MMAB: variants seen among roughly 807,000 people sequenced by gnomAD.
The protein encoded by MMAB is corrinoid adenosyltransferase MMAB.
Under a neutral mutation model 30.6 loss-of-function variants are expected in MMAB, and 17 were observed. That is an observed-to-expected ratio of 0.56 (90% CI 0.38 to 0.83). The LOEUF (loss-of-function observed/expected upper bound fraction) is 0.83. MMAB is among the 40% of genes least tolerant of loss of function. MMAB has a pLI of 0.00. For synonymous variants in MMAB, 134 were observed against 138.6 expected, an observed-to-expected ratio of 0.97 and a Z score of 0.23; for missense variants, 311 against 331.6, an observed-to-expected ratio of 0.94 and a Z score of 0.48.
At position 109,568,589 on chromosome 12, in the gene MMAB, A is replaced by G. The variant is rs1884522443; in HGVS notation, c.290+181T>C. The G allele has an allele frequency of 5.5e-5, 37 of 676,418 alleles. No homozygotes were observed. The South Asian group carries it at 5.7e-4, about 10-fold the overall frequency. 41.9% of individuals were successfully genotyped at this position (676,418 alleles called of 1,614,324 possible). Reference sequence around the variant, plus strand: ...AGGCACAGGCAGGGCCAGAAGGGAAAGGAGTCTGCAGCCCCACAGCCTTGT... The same window carrying G: ...AGGCACAGGCAGGGCCAGAAGGGAAGGGAGTCTGCAGCCCCACAGCCTTGT... On this transcript the variant is annotated intron_variant, in intron 3 of 8. Transcript: ENST00000545712.
At chr12:109,570,486 C>T (rs150484489) in intron 2 of MMAB, among the ~76,000 whole-genome samples, 1 of 152,272 alleles carries the variant, frequency 6.6e-6, no homozygotes, top group Admixed American at 6.5e-5. Context: ...CTGAGTATGT[C>T]CCGTACATGC....
At chr12:109,568,563 C>T in intron 3 of MMAB, 1 of 635,792 alleles carries the variant, frequency 1.6e-6, no homozygotes, top group East Asian at 2.7e-5. Flanking sequence ...GAGGCCAGCG[C>T]AGGCACAGGC....
rs1884042430 is a variant in MMAB at position 109,558,079 on chromosome 12, C to A, written c.645-943G>T. On this transcript the variant is annotated intron_variant, in intron 8 of 8. Transcript: ENST00000545712. This position sits in a 1 kb window ranked among gnomAD's most constrained non-coding sequence, Gnocchi z 4.3. Reference sequence around the variant, plus strand: ...CTCAGAGGCCAGCTCCACACCACATCCTCCTGAGTCCTCCCCTGACTCAGG... The same window carrying A: ...CTCAGAGGCCAGCTCCACACCACATACTCCTGAGTCCTCCCCTGACTCAGG... 6.6e-6 allele frequency among the ~76,000 whole-genome samples: 1 copy of A among 152,198 alleles called. No homozygotes were observed. Among genetic ancestry groups the A allele is most frequent in the African/African-American group, 2.4e-5 (1 of 41,448 alleles).
Position 109,556,144 on chromosome 12 carries a change from C to G in MMAB, c.*884G>C, listed in dbSNP as rs780731516. The G allele has an allele frequency of 2.2e-6, 1 of 453,070 alleles. No individual in the cohort carries two copies. Among genetic ancestry groups the G allele is most frequent in the South Asian group, 1.6e-5 (1 of 64,454 alleles). The allele number at this position is 453,070 out of a possible 1,614,324, so 28.1% of individuals were successfully genotyped here. A position where few individuals can be genotyped will look rare whatever the true frequency, so the allele number is the denominator to read the frequency against. On this transcript the variant is annotated 3_prime_UTR_variant, in exon 9 of 9. Transcript: ENST00000545712. ...TCATAGCAGGAGGGAGCAGCAGTGACAACTGAAATAAATACAGCCGTGGCA... is the reference window on the plus strand; with the variant it reads ...TCATAGCAGGAGGGAGCAGCAGTGAGAACTGAAATAAATACAGCCGTGGCA...
rs1205994973 is a variant in MMAB, at chr12:109,573,409, G to A, written c.72C>T (p.Ala24=). The change falls in exon 1 of 9, where the codon GCC becomes GCT. Residue 24 remains alanine (A), a synonymous_variant. Transcript: ENST00000545712. ...GGAAACGGGGATACAGGAGCCTGGCGGCGCCGAAGCACCCGCGCAGGCCAA... is the reference window on the plus strand; with the variant it reads ...GGAAACGGGGATACAGGAGCCTGGCAGCGCCGAAGCACCCGCGCAGGCCAA... ...SRLGLRGCFG[A]ARLLYPRFQS... is the part of the protein sequence containing the mutation. 5 of 1,610,836 alleles carry A rather than the reference G, an allele frequency of 3.1e-6. No homozygotes were observed. The highest frequency in any genetic ancestry group is 2.7e-5 in the African/African-American group (2 of 74,998).
intron 3 of MMAB, chr12:109,566,995 G>A (rs992448024): frequency 2.2e-6 from 1 of 455,856 alleles, no homozygotes; most frequent in Non-Finnish European, 4.4e-6. Flanking sequence ...CCCATTATCT[G>A]TCCCGAAAAT....
rs193015172 is a variant in MMAB at position 109,561,828 on chromosome 12, C to T, written c.373G>A (p.Gly125Ser). Reference protein sequence around the residue: ...QKIQCTLQDVGSALATPCSSA... With the variant: ...QKIQCTLQDVSSALATPCSSA... Reference sequence around the variant, plus strand: ...GAGCATGGTGTCGCCAGGGCCGAGCCGACGTCCTGCAATGTGCACTGGATC... The same window carrying T: ...GAGCATGGTGTCGCCAGGGCCGAGCTGACGTCCTGCAATGTGCACTGGATC... The change falls in exon 5 of 9, where the codon GGC (glycine) becomes AGC (serine). Residue 125 changes from glycine to serine, a missense_variant. By Grantham distance (56) the Gly-to-Ser change is moderately conservative. Coordinates refer to ENST00000545712, the MANE Select transcript of MMAB (RefSeq NM_052845.4). This position sits in a 1 kb window ranked among gnomAD's most constrained non-coding sequence, Gnocchi z 5.3. 1.6e-5 allele frequency: 25 copies of T among 1,608,302 alleles called. No individual in the cohort carries two copies. Among genetic ancestry groups the T allele is most frequent in the Middle Eastern group, 1.7e-4 (1 of 6,054 alleles).
Position 109,561,436 on chromosome 12 carries a change from G to T in MMAB, c.503C>A (p.Thr168Lys). 6.4e-7 allele frequency: 1 copy of T among 1,550,936 alleles called. No individual in the cohort carries two copies. Among genetic ancestry groups the T allele is most frequent in the South Asian group, 1.2e-5 (1 of 84,070 alleles). The part of the protein sequence containing the change: ...DKYTSQLPPL[T>K]AFILPSGGKI... Reference sequence around the variant, plus strand: ...AGTACCTACAGGCAGGATGAAGGCCGTGAGTGGTGGGAGCTGGCTGGTGTA... The same window carrying T: ...AGTACCTACAGGCAGGATGAAGGCCTTGAGTGGTGGGAGCTGGCTGGTGTA... Residue 168 changes from threonine to lysine, a missense_variant, in exon 6 of 9, where the codon ACG becomes AAG. Physicochemically the swap from Thr to Lys is moderately conservative, Grantham distance 78. Transcript: ENST00000545712. This position sits in a 1 kb window ranked among gnomAD's most constrained non-coding sequence, Gnocchi z 5.3.
At position 109,561,994 on chromosome 12, in the gene MMAB, C is replaced by T. The variant is rs1030167257; in HGVS notation, c.349-142G>A. The T allele has an allele frequency of 1.4e-6, 1 of 728,260 alleles. No individual in the cohort carries two copies. Among genetic ancestry groups the T allele is most frequent in the Non-Finnish European group, 2.4e-6 (1 of 417,554 alleles). 45.1% of individuals were successfully genotyped at this position (728,260 alleles called of 1,614,324 possible). A position where few individuals can be genotyped will look rare whatever the true frequency, so the allele number is the denominator to read the frequency against. On this transcript the variant is annotated intron_variant, in intron 4 of 8. Transcript: ENST00000545712. The surrounding 1 kb of genome is among the most constrained non-coding windows in gnomAD (Gnocchi z 5.3). ...GCTGTGATATGGTTTGGCAATGTGT[C>T]CCCATCCAAATCTCATGTTAAATTG...
At position 109,561,386 on chromosome 12, in the gene MMAB, C is replaced by T; in HGVS notation, c.519+34G>A. The T allele has an allele frequency of 6.5e-7, 1 of 1,546,944 alleles. No homozygotes were observed. Among genetic ancestry groups the T allele is most frequent in the South Asian group, 1.2e-5 (1 of 84,004 alleles). On this transcript the variant is annotated intron_variant, in intron 6 of 8. Transcript: ENST00000545712. The surrounding 1 kb of genome is among the most constrained non-coding windows in gnomAD (Gnocchi z 5.3). Reference sequence around the variant, plus strand: ...GTGTGTCTGTCACTGAACCTGCCTGCAGCCGCCCCCGGTTAAGCCTGCCCA... The same window carrying T: ...GTGTGTCTGTCACTGAACCTGCCTGTAGCCGCCCCCGGTTAAGCCTGCCCA...
rs996709306 is a variant in MMAB, at chr12:109,561,158, C to T, written c.520-54G>A. 72 of 1,598,256 alleles carry T rather than the reference C, an allele frequency of 4.5e-5. 1 individual carries two copies. Among genetic ancestry groups the T allele is most frequent in the Non-Finnish European group, 5.4e-5 (64 of 1,175,886 alleles). ...CAGGGTGGGAAAGGTGTGCCCACTG[C>T]GGACAGGAGCTCCTCTGAAGTCCAG... On this transcript the variant is annotated intron_variant, in intron 6 of 8. Transcript: ENST00000545712. This position sits in a 1 kb window ranked among gnomAD's most constrained non-coding sequence, Gnocchi z 5.3.
chr12:109,570,060 G>C, intron 2 of MMAB: 1 of 291,804 alleles, frequency 3.4e-6, no homozygotes. Flanking sequence ...CCAGGAGTTC[G>C]AGACTAGCCT....
Position 109,555,423 on chromosome 12 carries a change from C to T in MMAB, c.*1605G>A, listed in dbSNP as rs1380071783. The T allele has an allele frequency of 2.4e-6, 1 of 409,676 alleles. No homozygotes were observed. Among genetic ancestry groups the T allele is most frequent in the Non-Finnish European group, 4.7e-6 (1 of 212,708 alleles). 25.4% of individuals were successfully genotyped at this position (409,676 alleles called of 1,614,324 possible). On this transcript the variant is annotated 3_prime_UTR_variant, in exon 9 of 9. Coordinates refer to ENST00000545712, the MANE Select transcript of MMAB (RefSeq NM_052845.4). ...TCAGCCTCCTGAATAGCTGGGATTA[C>T]AGGCACCCGCCACCATGCCCAGCTA...
At position 109,556,299 on chromosome 12, in the gene MMAB, G is replaced by C. The variant is rs1476011526; in HGVS notation, c.*729C>G. 2.2e-6 allele frequency: 1 copy of C among 453,784 alleles called. No individual in the cohort carries two copies. Among genetic ancestry groups the C allele is most frequent in the South Asian group, 1.6e-5 (1 of 64,482 alleles). 28.1% of individuals were successfully genotyped at this position (453,784 alleles called of 1,614,324 possible). On this transcript the variant is annotated 3_prime_UTR_variant, in exon 9 of 9. Transcript: ENST00000545712. ...TGCTGCACCGCAGACCCTTGACTCA[G>C]TCCAACCAGACAGGGAATGTTCACC... is the stretch of plus-strand genomic sequence containing the variant.
intron 8 of MMAB, among the ~76,000 whole-genome samples, chr12:109,557,396 C>T (rs1884018201): frequency 6.6e-6 from 1 of 152,194 alleles, no homozygotes; most frequent in Non-Finnish European, 1.5e-5. Context: ...CGGCCCTACC[C>T]CATGGGGCAG....
In MMAB at chr12:109,557,078, C is replaced by A; in HGVS notation, c.703G>T (p.Glu235Ter). ...RYAAMKEGNQ[E>*]KIYMKNDPSA... ...GGGTCATTTTTCATGTATATTTTCT[C>A]TTGATTCCCCTCCTTCATGGCTGCA... The change falls in exon 9 of 9, where the codon GAG (glutamate) becomes TAG (stop). Residue 235 changes from glutamate (E) to a stop codon, truncating the protein, a stop_gained. Transcript: ENST00000545712. LOFTEE classifies it low-confidence loss of function (END_TRUNC). 3.1e-6 allele frequency: 5 copies of A among 1,613,998 alleles called. No individual in the cohort carries two copies. Among genetic ancestry groups the A allele is most frequent in the Non-Finnish European group, 4.2e-6 (5 of 1,179,816 alleles).
At position 109,561,691 on chromosome 12, in the gene MMAB, C is replaced by T; in HGVS notation, c.421+89G>A. ...AAGGCTAACTGACCCACCCGTGGGT[C>T]CCTGGGGGCCTGGGATCCCAGATGG... is the stretch of plus-strand genomic sequence containing the variant. On this transcript the variant is annotated intron_variant, in intron 5 of 8. Coordinates refer to ENST00000545712, the MANE Select transcript of MMAB (RefSeq NM_052845.4). The surrounding 1 kb of genome is among the most constrained non-coding windows in gnomAD (Gnocchi z 5.3). The T allele has an allele frequency of 7.4e-7, 1 of 1,354,494 alleles. No homozygotes were observed. The highest frequency in any genetic ancestry group is 1.0e-6 in the Non-Finnish European group (1 of 969,406). 83.9% of individuals were successfully genotyped at this position (1,354,494 alleles called of 1,614,324 possible). A position where few individuals can be genotyped will look rare whatever the true frequency, so the allele number is the denominator to read the frequency against.
rs549078005 is a variant in MMAB, at chr12:109,570,580, AT to A, written c.196+1068del. Among the ~76,000 whole-genome samples, 13 of 152,324 alleles carry A rather than the reference AT, an allele frequency of 8.5e-5. No individual in the cohort carries two copies. The South Asian group carries it at 2.5e-3, about 29-fold the overall frequency. On this transcript the variant is annotated intron_variant, in intron 2 of 8. Transcript: ENST00000545712. Reference sequence around the variant, plus strand: ...ATGCTTTTGTACTACAAAAAATGGTATACTGTCTTGGTGCGGTAGCTCATGC... The same window carrying A: ...ATGCTTTTGTACTACAAAAAATGGTAACTGTCTTGGTGCGGTAGCTCATGC...
chr12:109,567,121 G>A (rs1220297956), intron 3 of MMAB: 1 of 441,774 alleles, frequency 2.3e-6, no homozygotes, highest in East Asian at 7.3e-5. Context: ...AGTGAGCCGA[G>A]ATCACACCAT....
Sources: allele counts gnomAD v4.1 joint callset (sites outside exome capture counted in the v4.1 genomes callset), GRCh38; gene constraint gnomAD v4.1.1; non-coding constraint Gnocchi (gnomAD v3.1); transcripts MANE v1.5; gene names NCBI Gene and HGNC (gene_info 2026-07-23, HGNC 2026-07-21).